Variants in SLC5A4 observed in about 807,000 individuals in gnomAD.
The protein encoded by SLC5A4 is solute carrier family 5 member 4.
Under a neutral mutation model 70.3 loss-of-function variants are expected in SLC5A4, and 55 were observed. The observed-to-expected ratio is 0.78, with a 90% CI of 0.63 to 0.98. The LOEUF is 0.98. Among genes scored for constraint, SLC5A4 ranks in the 50% least tolerant of loss-of-function variants. SLC5A4 has a pLI of 0.00. For missense variants in SLC5A4, 735 were observed against 839.2 expected, an observed-to-expected ratio of 0.88 and a Z score of 1.53; for synonymous variants, 268 against 305.7, an observed-to-expected ratio of 0.88 and a Z score of 1.29.
chr22:32,222,777 T>A (rs1925158277), intron 13 of SLC5A4, among the ~76,000 whole-genome samples: 2 of 152,160 alleles, frequency 1.3e-5, no homozygotes, highest in African/African-American at 4.8e-5. Flanking sequence ...AAAGAAGCAT[T>A]GCTTCAAAAA....
chr22:32,254,916 G>T (rs995032251), intron 1 of SLC5A4, among the ~76,000 whole-genome samples: 4 of 152,096 alleles, frequency 2.6e-5, no homozygotes, highest in African/African-American at 9.7e-5. Context: ...GAAAGCGAAA[G>T]AAATGCGATA....
chr22:32,274,984 A>G, the SLC5A4 span, among the ~76,000 whole-genome samples: 13 of 152,224 alleles, frequency 8.5e-5, no homozygotes, highest in African/African-American at 3.1e-4. Context: ...GTCAGTCTTC[A>G]TATCATACAA....
chr22:32,220,474 A>G (rs1840783262), intron 14 of SLC5A4, among the ~76,000 whole-genome samples: 1 of 152,044 alleles, frequency 6.6e-6, no homozygotes, highest in Admixed American at 6.6e-5. Context: ...AAGAATAAGC[A>G]TTTTTTTTCC....
chr22:32,299,901 G>A, the SLC5A4 span, among the ~76,000 whole-genome samples: 1 of 114,192 alleles, frequency 8.8e-6, no homozygotes, highest in African/African-American at 3.2e-5. Context: ...TAGGTCTGTT[G>A]GTGTACCCTG....
At position 32,247,446 on chromosome 22, in the gene SLC5A4, G is replaced by A; in HGVS notation, c.442C>T (p.Leu148Phe). Residue 148 changes from leucine to phenylalanine, a missense_variant, in exon 5 of 15, where the codon CTC becomes TTC. Transcript: ENST00000266086. Reference protein sequence around the residue: ...GERLQVYLSILSLFICVVLLI... With the variant: ...GERLQVYLSIFSLFICVVLLI... The stretch of plus-strand genomic sequence containing the variant: ...AAAACCACACAGATGAAGAGGGAGA[G>A]GATGGAGAGGTAGACCTGGAGTCGC... 1.2e-6 allele frequency: 2 copies of A among 1,613,304 alleles called. No homozygotes were observed. Among genetic ancestry groups the A allele is most frequent in the Non-Finnish European group, 1.7e-6 (2 of 1,179,252 alleles).
upstream of SLC5A4, among the ~76,000 whole-genome samples, chr22:32,259,595 T>C (rs2145716545): frequency 6.6e-6 from 1 of 152,376 alleles, no homozygotes; most frequent in South Asian, 2.1e-4. Flanking sequence ...TATATTAGGT[T>C]ACCTATTTTG....
At chr22:32,270,398 G>T in the SLC5A4 span, 1 of 1,452,816 alleles carries the variant, frequency 6.9e-7, no homozygotes, top group Non-Finnish European at 9.6e-7. Flanking sequence ...GAGCTTCCCG[G>T]CTGCTACGAC....
chr22:32,249,268 T>C (rs924881126), intron 3 of SLC5A4, among the ~76,000 whole-genome samples: 16 of 152,210 alleles, frequency 1.1e-4, no homozygotes, highest in Non-Finnish European at 1.5e-5. Flanking sequence ...CTTACGCTGC[T>C]CTCAGCCTAA....
rs551657353 is a variant in SLC5A4 at position 32,240,602 on chromosome 22, C to G, written c.478-1512G>C. Among the ~76,000 whole-genome samples the G allele has an allele frequency of 2.8e-4, 43 of 152,166 alleles. No homozygotes were observed. In the South Asian group the frequency reaches 8.7e-3, roughly 31 times the overall value. ...TGAGTCCGTTTTAAGAGACAAATTG[C>G]GTAACATTTTTTTCTCTGTTCTGGA... On this transcript the variant is annotated intron_variant, in intron 5 of 14. Coordinates refer to ENST00000266086, the MANE Select transcript of SLC5A4 (RefSeq NM_014227.3).
chr22:32,222,994 T>C (rs1170132027), intron 13 of SLC5A4, among the ~76,000 whole-genome samples: 1 of 152,212 alleles, frequency 6.6e-6, no homozygotes, highest in Non-Finnish European at 1.5e-5. Context: ...TTTTTTTGTA[T>C]GCTTAGACAA....
intron 13 of SLC5A4, among the ~76,000 whole-genome samples, chr22:32,222,812 A>G (rs1925160166): frequency 2.0e-5 from 3 of 152,216 alleles, no homozygotes; most frequent in South Asian, 4.1e-4. Flanking sequence ...TTCAAAATAC[A>G]TAAAAGCTAC....
In SLC5A4 at chr22:32,232,904, T is replaced by C; in HGVS notation, c.1016A>G (p.Tyr339Cys). The change falls in exon 9 of 15, where the codon TAC becomes TGC. Residue 339 changes from tyrosine (Y) to cysteine (C), a missense_variant. Coordinates refer to ENST00000266086, the MANE Select transcript of SLC5A4 (RefSeq NM_014227.3). ...VMPGMISRIL[Y>C]TDMVACVVPS... ...CATACGGATTCAGGGCTTACCTGTG[T>C]ACAGGATGCGGCTGATCATCCCCGG... 1 of 1,613,786 alleles carries C rather than the reference T, an allele frequency of 6.2e-7. No individual in the cohort carries two copies. Among genetic ancestry groups the C allele is most frequent in the African/African-American group, 1.3e-5 (1 of 75,030 alleles).
the SLC5A4 span, among the ~76,000 whole-genome samples, chr22:32,327,680 G>T: frequency 8.5e-5 from 13 of 152,196 alleles, no homozygotes; most frequent in East Asian, 2.5e-3. Context: ...TCTGGTGGCT[G>T]GACTCACCTT....
chr22:32,277,566 G>T, the SLC5A4 span, among the ~76,000 whole-genome samples: 3 of 151,686 alleles, frequency 2.0e-5, no homozygotes, highest in Non-Finnish European at 4.4e-5. Context: ...TATTTTTTTT[G>T]AGATGGAGTC....
At chr22:32,249,805 C>A (rs1268155004) in intron 3 of SLC5A4, among the ~76,000 whole-genome samples, 1 of 152,224 alleles carries the variant, frequency 6.6e-6, no homozygotes, top group African/African-American at 2.4e-5. Context: ...CATGTCCAGC[C>A]TTGTGCTAGA....
At chr22:32,250,862 A>G (rs1427469987) in intron 3 of SLC5A4, among the ~76,000 whole-genome samples, 3 of 152,090 alleles carry the variant, frequency 2.0e-5, no homozygotes, top group South Asian at 2.1e-4. Context: ...AGGAACAGGA[A>G]ATCAAACACC....
the SLC5A4 span, among the ~76,000 whole-genome samples, chr22:32,303,892 T>TG: frequency 6.6e-6 from 1 of 152,212 alleles, no homozygotes. Flanking sequence ...TCTTCCAAAG[T>TG]GGGTACCATT....
the SLC5A4 span, among the ~76,000 whole-genome samples, chr22:32,319,121 T>C: frequency 2.6e-5 from 4 of 152,200 alleles, no homozygotes; most frequent in Non-Finnish European, 5.9e-5. Flanking sequence ...TTCTCCTCCC[T>C]TTAGACTCAG....
At chr22:32,339,384 ACT>A in the SLC5A4 span, among the ~76,000 whole-genome samples, 3 of 152,086 alleles carry the variant, frequency 2.0e-5, no homozygotes, top group Non-Finnish European at 4.4e-5. Context: ...GAACACTGAG[ACT>A]CAGGAGAGCT....
Sources: allele counts gnomAD v4.1 joint callset (sites outside exome capture counted in the v4.1 genomes callset), GRCh38; gene constraint gnomAD v4.1.1; transcripts MANE v1.5; gene names NCBI Gene and HGNC (gene_info 2026-07-23, HGNC 2026-07-21).